The following FLNB variants were observed in gnomAD, a reference collection of about 807,000 sequenced individuals.
FLNB encodes the protein filamin B, also known as filamin-B.
FLNB carries 111 observed loss-of-function variants against 250.6 expected under a neutral mutation model. The observed-to-expected ratio is 0.44, with a 90% CI of 0.38 to 0.52. FLNB has a LOEUF of 0.52. Among genes scored for constraint, FLNB ranks in the 20% least tolerant of loss-of-function variants. The pLI is 0.00. For missense variants in FLNB, 2,869 were observed against 3,447.8 expected, an observed-to-expected ratio of 0.83 and a Z score of 4.20; for synonymous variants, 1,302 against 1,372.1, an observed-to-expected ratio of 0.95 and a Z score of 1.13.
chr3:58,115,873 C>T (rs1039239077), intron 18 of FLNB, among the ~76,000 whole-genome samples: 1 of 152,140 alleles, frequency 6.6e-6, no homozygotes, highest in African/African-American at 2.4e-5. Flanking sequence ...TGGGGTCCTT[C>T]TTGTTGTTTG....
rs534839222 is a variant in FLNB at position 58,054,194 on chromosome 3, C to T, written c.293-22852C>T. 2.6e-5 allele frequency among the ~76,000 whole-genome samples: 4 copies of T among 152,242 alleles called. No individual in the cohort carries two copies. In the South Asian group the frequency reaches 8.3e-4, roughly 32 times the overall value. On this transcript the variant is annotated intron_variant, in intron 1 of 45. Coordinates refer to ENST00000295956, the MANE Select transcript of FLNB (RefSeq NM_001457.4). Reference sequence around the variant, plus strand: ...TATTGCTGGCTGGGTTCTAAAGAACCTCCAAAGTTTACATAAAAGTTACCT... The same window carrying T: ...TATTGCTGGCTGGGTTCTAAAGAACTTCCAAAGTTTACATAAAAGTTACCT...
At chr3:58,068,428 A>G (rs2097189132) in intron 1 of FLNB, among the ~76,000 whole-genome samples, 1 of 152,104 alleles carries the variant, frequency 6.6e-6, no homozygotes, top group Non-Finnish European at 1.5e-5. Context: ...TGGAAGGGAT[A>G]TGGGACTTGA....
chr3:58,083,842 C>A (rs1459153694), intron 4 of FLNB, among the ~76,000 whole-genome samples: 1 of 152,128 alleles, frequency 6.6e-6, no homozygotes, highest in Admixed American at 6.5e-5. Flanking sequence ...CTAGGGACTT[C>A]AAAGCCCTCC....
chr3:58,118,574 G>T (rs1559705969), intron 18 of FLNB, among the ~76,000 whole-genome samples: 1 of 152,216 alleles, frequency 6.6e-6, no homozygotes. Context: ...TACCCCTTAG[G>T]ACTGTTTTGA....
Position 58,169,574 on chromosome 3 carries a change from C to G in FLNB, c.7418-16C>G, listed in dbSNP as rs760062299. The G allele has an allele frequency of 6.8e-6, 11 of 1,608,740 alleles. No individual in the cohort carries two copies. The South Asian group carries it at 7.7e-5, about 11-fold the overall frequency. ...TCTGGCCATTCATGCCTGTCCCCCT[C>G]CCTCCTGTATCTTAGGCCAGCGTCT... is the stretch of plus-strand genomic sequence containing the variant. On this transcript the variant is annotated splice_polypyrimidine_tract_variant and intron_variant, in intron 44 of 45. Transcript: ENST00000295956. The surrounding 1 kb of genome is among the most constrained non-coding windows in gnomAD (Gnocchi z 4.8).
At chr3:58,074,677 A>G (rs141548770) in intron 1 of FLNB, among the ~76,000 whole-genome samples, 144 of 152,322 alleles carry the variant, frequency 9.5e-4, no homozygotes, top group Admixed American at 2.0e-3. Flanking sequence ...ACATTTGGGG[A>G]GTAGAAAATG....
intron 4 of FLNB, among the ~76,000 whole-genome samples, chr3:58,087,556 C>G (rs919025973): frequency 6.6e-6 from 1 of 150,632 alleles, no homozygotes; most frequent in Non-Finnish European, 1.5e-5. Flanking sequence ...CGGGTTCAAG[C>G]GTTCTCCTGC....
At chr3:58,138,003 A>G (rs1037098390) in intron 28 of FLNB, among the ~76,000 whole-genome samples, 1 of 152,218 alleles carries the variant, frequency 6.6e-6, no homozygotes, top group Non-Finnish European at 1.5e-5. Context: ...TTTGCTATTG[A>G]AAGTCAACCT....
chr3:58,051,685 G>GTTT lies in FLNB; in HGVS notation c.293-25353_293-25351dup, dbSNP rs761191400. On this transcript the variant is annotated intron_variant, in intron 1 of 45. Transcript: ENST00000295956. ...GTTTTGGGGAGGGCAGTTTTTTTGGGTTTTTTTTTTAAGCTTTTTGATGTG... is the reference window on the plus strand; with the variant it reads ...GTTTTGGGGAGGGCAGTTTTTTTGGGTTTTTTTTTTTTTAAGCTTTTTGATGTG... Among the ~76,000 whole-genome samples, 278 of 149,230 alleles carry GTTT rather than the reference G, an allele frequency of 1.9e-3. 1 individual carries two copies. The highest frequency in any genetic ancestry group is 5.3e-3 in the African/African-American group (216 of 40,700).
chr3:58,122,983 G>A, intron 20 of FLNB, 110 bp from the exon 21 acceptor site: 1 of 997,364 alleles, frequency 1.0e-6, no homozygotes, highest in South Asian at 1.3e-5. Context: ...CAAGAGAAGG[G>A]CTGCCTGGCT....
At chr3:58,064,926 G>A (rs2097183432) in intron 1 of FLNB, among the ~76,000 whole-genome samples, 1 of 152,126 alleles carries the variant, frequency 6.6e-6, no homozygotes, top group South Asian at 2.1e-4. Flanking sequence ...TGTAGTCCCA[G>A]CTACTTAGAA....
chr3:58,080,442 G>A (rs2097207515), intron 3 of FLNB, among the ~76,000 whole-genome samples: 1 of 152,046 alleles, frequency 6.6e-6, no homozygotes, highest in African/African-American at 2.4e-5. Flanking sequence ...TGTCCAGGAT[G>A]GGTCTAGTCT....
chr3:58,104,836 C>T (rs967923960), intron 10 of FLNB, among the ~76,000 whole-genome samples: 3 of 152,140 alleles, frequency 2.0e-5, no homozygotes, highest in Non-Finnish European at 4.4e-5. Context: ...TGCAAAGCAG[C>T]GTGGCTTGAG....
intron 4 of FLNB, among the ~76,000 whole-genome samples, chr3:58,092,952 T>C (rs1459441843): frequency 6.6e-6 from 1 of 152,190 alleles, no homozygotes; most frequent in African/African-American, 2.4e-5. Context: ...ATTCTGACAC[T>C]ATCTACCTGA....
At position 58,150,240 on chromosome 3, in the gene FLNB, G is replaced by A. The variant is rs756227348; in HGVS notation, c.6367+13G>A. 1.5e-5 allele frequency: 24 copies of A among 1,614,004 alleles called. No individual in the cohort carries two copies. Among genetic ancestry groups the A allele is most frequent in the Non-Finnish European group, 1.9e-5 (23 of 1,180,042 alleles). On this transcript the variant is annotated intron_variant, in intron 38 of 45. Coordinates refer to ENST00000295956, the MANE Select transcript of FLNB (RefSeq NM_001457.4). ...CTGAAAATCCCAGGTGGGCGTCGGG[G>A]ACTAGTAGGGTGGGGAAGCCTTGGC...
At chr3:58,146,159 G>T in intron 33 of FLNB, 110 bp downstream of exon 33, 2 of 1,221,226 alleles carry the variant, frequency 1.6e-6, no homozygotes, top group East Asian at 2.4e-5. Flanking sequence ...GGTAGTATTT[G>T]TCTTGTCTTT....
intron 18 of FLNB, 67 bp from the exon 19 acceptor site, chr3:58,118,805 G>A (rs1442391689): frequency 1.8e-6 from 2 of 1,109,792 alleles, no homozygotes; most frequent in Non-Finnish European, 2.8e-6. Flanking sequence ...GGATCTTGAG[G>A]GGATTTTAAA....
At position 58,169,530 on chromosome 3, in the gene FLNB, G is replaced by A. The variant is rs1265660419; in HGVS notation, c.7418-60G>A. On this transcript the variant is annotated intron_variant, in intron 44 of 45. Transcript: ENST00000295956. The surrounding 1 kb of genome is among the most constrained non-coding windows in gnomAD (Gnocchi z 4.8). ...GTGTAGGGTACTCGCCTGTCCTCTG[G>A]CTGAGAGACCCCTCTTGATCTGGCC... 5.0e-6 allele frequency: 7 copies of A among 1,403,420 alleles called. No individual in the cohort carries two copies. Among genetic ancestry groups the A allele is most frequent in the Non-Finnish European group, 7.1e-6 (7 of 987,998 alleles). 86.9% of individuals were successfully genotyped at this position (1,403,420 alleles called of 1,614,324 possible). A position where few individuals can be genotyped will look rare whatever the true frequency, so the allele number is the denominator to read the frequency against.
chr3:58,060,887 C>A (rs1305527385), intron 1 of FLNB, among the ~76,000 whole-genome samples: 2 of 151,738 alleles, frequency 1.3e-5, no homozygotes, highest in South Asian at 4.2e-4. Flanking sequence ...TCTTCAACAT[C>A]GACTCCTCTG....
Sources: allele counts gnomAD v4.1 joint callset (sites outside exome capture counted in the v4.1 genomes callset), GRCh38; gene constraint gnomAD v4.1.1; non-coding constraint Gnocchi (gnomAD v3.1); transcripts MANE v1.5; gene names NCBI Gene and HGNC (gene_info 2026-07-23, HGNC 2026-07-21).